Variants in MGAM2 observed in about 807,000 individuals in gnomAD.
MGAM2 encodes the protein maltase-glucoamylase 2 (putative), also known as probable maltase-glucoamylase 2.
A neutral mutation model predicts 96.1 loss-of-function variants in MGAM2; 98 were observed. The ratio of observed to expected loss-of-function variants is 1.02; its 90% confidence interval spans 0.87 to 1.21. The LOEUF (loss-of-function observed/expected upper bound fraction) is 1.21, where lower values mean the gene tolerates loss of function less well. Ranked by LOEUF, MGAM2 falls within the 50% of genes most tolerant of loss-of-function variation. The probability of loss-of-function intolerance (pLI) is 0.00; values close to 1 mark genes in which losing one functional copy is unlikely to be tolerated. For synonymous variants in MGAM2, 749 were observed against 414.8 expected (o/e 1.81, Z -9.79); for missense variants, 2,055 against 1,182.4 (o/e 1.74, Z -10.82).
At chr7:142,218,858 TG>T (rs1355001859) in intron 47 of MGAM2, among the ~76,000 whole-genome samples, 3 of 152,208 alleles carry the variant, frequency 2.0e-5, no homozygotes, top group Admixed American at 6.5e-5. Context: ...TTATTTCTGC[TG>T]CAGAGGCTAA....
In MGAM2 at chr7:142,160,248, A is replaced by G. The variant is rs1429562648; in HGVS notation, c.2335A>G (p.Thr779Ala). ...IFPTQKPNTTTEASRRNSLGL... is the reference protein window; with the variant it reads ...IFPTQKPNTTAEASRRNSLGL... ...TCCCACTCAGAAGCCAAACACAACC[A>G]CAGAAGCCAGGTAAGCTCCTTACTC... The change falls in exon 21 of 48, where the codon ACA becomes GCA. Residue 779 changes from threonine (T) to alanine (A), a missense_variant. By Grantham distance (58) the Thr-to-Ala change is moderately conservative (BLOSUM62 0). Coordinates refer to ENST00000477922, the MANE Select transcript of MGAM2 (RefSeq NM_001293626.2). 1 of 700,788 alleles carries G rather than the reference A, an allele frequency of 1.4e-6. No homozygotes were observed. Among genetic ancestry groups the G allele is most frequent in the Non-Finnish European group, 2.6e-6 (1 of 384,004 alleles). 43.4% of individuals were successfully genotyped at this position (700,788 alleles called of 1,614,324 possible).
intron 27 of MGAM2, 90 bp from the exon 28 acceptor site, chr7:142,171,182 G>A (rs893343138): frequency 1.4e-6 from 1 of 697,994 alleles, no homozygotes; most frequent in Non-Finnish European, 2.6e-6. Context: ...TAATTAAGGA[G>A]GCTTTGGAAT....
At chr7:142,174,803 C>T (rs751303981) in intron 31 of MGAM2, among the ~76,000 whole-genome samples, 38 of 146,748 alleles carry the variant, frequency 2.6e-4, no homozygotes, top group Non-Finnish European at 5.3e-4. Flanking sequence ...GCAACCTCTG[C>T]CTCCTGGGTT....
At position 142,136,613 on chromosome 7, in the gene MGAM2, G is replaced by T. The variant is rs1413911534; in HGVS notation, c.820G>T (p.Val274Leu). 2 of 702,476 alleles carry T rather than the reference G, an allele frequency of 2.8e-6. No individual in the cohort carries two copies. Among genetic ancestry groups the T allele is most frequent in the Non-Finnish European group, 2.6e-6 (1 of 384,390 alleles). 43.5% of individuals were successfully genotyped at this position (702,476 alleles called of 1,614,324 possible). A position where few individuals can be genotyped will look rare whatever the true frequency, so the allele number is the denominator to read the frequency against. ...AGATGCCAGGGGCTCCTCTTTTGGA[G>T]TATTTCTGATGAACAGTAATGCCAT... The part of the protein sequence containing the change: ...LEDARGSSFG[V>L]FLMNSNAMEV... Residue 274 changes from valine to leucine, a missense_variant, in exon 8 of 48, where the codon GTA becomes TTA. Transcript: ENST00000477922.
intron 2 of MGAM2, among the ~76,000 whole-genome samples, chr7:142,118,263 T>C (rs1794438590): frequency 6.6e-6 from 1 of 152,152 alleles, no homozygotes; most frequent in Non-Finnish European, 1.5e-5. Context: ...ACTCCCAGAG[T>C]ATTTATCCTT....
At position 142,194,530 on chromosome 7, in the gene MGAM2, T is replaced by A. The variant is rs551707813; in HGVS notation, c.4347-1624T>A. On this transcript the variant is annotated intron_variant, in intron 37 of 47. Coordinates refer to ENST00000477922, the MANE Select transcript of MGAM2 (RefSeq NM_001293626.2). ...AAAATCTAAGCTATCCTCACCCCCATTTCTTTATCACACATACATACATAT... is the reference window on the plus strand; with the variant it reads ...AAAATCTAAGCTATCCTCACCCCCAATTCTTTATCACACATACATACATAT... 4.8e-3 allele frequency among the ~76,000 whole-genome samples: 443 copies of A among 91,588 alleles called. 2 individuals carry two copies. The highest frequency in any genetic ancestry group is 0.016 in the African/African-American group (415 of 25,956). The allele number at this position is 91,588 out of a possible 152,430, so 60.1% of individuals were successfully genotyped here.
intron 3 of MGAM2, among the ~76,000 whole-genome samples, chr7:142,129,301 G>T (rs923812816): frequency 1.3e-5 from 2 of 152,138 alleles, no homozygotes; most frequent in African/African-American, 4.8e-5. Flanking sequence ...ATAGGCTAAA[G>T]GGACTTGCCT....
intron 29 of MGAM2, 78 bp from the exon 30 acceptor site, chr7:142,172,574 C>A (rs1210337847): frequency 1.7e-6 from 1 of 604,750 alleles, no homozygotes; most frequent in East Asian, 2.8e-5. Context: ...ATGAAGAAAG[C>A]AAATCTTAGA....
chr7:142,159,972 C>T (rs1236916759), intron 20 of MGAM2, among the ~76,000 whole-genome samples, 162 bp from the exon 21 acceptor site: 2 of 152,186 alleles, frequency 1.3e-5, no homozygotes, highest in Non-Finnish European at 2.9e-5. Context: ...AGTGTCAGCT[C>T]TGCCCTCTAC....
chr7:142,170,810 C>T (rs1049210947), intron 27 of MGAM2, among the ~76,000 whole-genome samples: 1 of 152,292 alleles, frequency 6.6e-6, no homozygotes, highest in South Asian at 2.1e-4. Flanking sequence ...CTTTGCCTTC[C>T]TGTGTATGTC....
chr7:142,153,888 A>G, intron 15 of MGAM2, 130 bp from the exon 16 acceptor site: 1 of 468,364 alleles, frequency 2.1e-6, no homozygotes. Flanking sequence ...TAAGTTTATG[A>G]CACCTGGTTT....
At position 142,129,817 on chromosome 7, in the gene MGAM2, C is replaced by T. The variant is rs527877905; in HGVS notation, c.187-1131C>T. Among the ~76,000 whole-genome samples, 66 of 26,088 alleles carry T rather than the reference C, an allele frequency of 2.5e-3. 1 individual carries two copies. Among genetic ancestry groups the T allele is most frequent in the African/African-American group, 0.015 (66 of 4,410 alleles). The allele number at this position is 26,088 out of a possible 152,430, so 17.1% of individuals were successfully genotyped here. ...TCCAGACTGGGCAACAAGAACAAAACTCTGTCTCAAAAAAAAAAAAAAAAA... is the reference window on the plus strand; with the variant it reads ...TCCAGACTGGGCAACAAGAACAAAATTCTGTCTCAAAAAAAAAAAAAAAAA... On this transcript the variant is annotated intron_variant, in intron 3 of 47. Transcript: ENST00000477922.
At chr7:142,208,733 T>C in intron 46 of MGAM2, 111 bp downstream of exon 46, 1 of 612,328 alleles carries the variant, frequency 1.6e-6, no homozygotes, top group South Asian at 1.9e-5. Context: ...AGGTTCTTCT[T>C]GCCTTTACTT....
rs1797950016 is a variant in MGAM2 at position 142,222,120 on chromosome 7, A to C, written c.*61A>C. On this transcript the variant is annotated 3_prime_UTR_variant, in exon 48 of 48. Coordinates refer to ENST00000477922, the MANE Select transcript of MGAM2 (RefSeq NM_001293626.2). ...GCCTACAAACAACTATTACAGATAT[A>C]GAAAATCAGTTACGAGACACTCTAT... 2.5e-6 allele frequency: 1 copy of C among 397,588 alleles called. No homozygotes were observed. 24.6% of individuals were successfully genotyped at this position (397,588 alleles called of 1,614,324 possible).
intron 6 of MGAM2, among the ~76,000 whole-genome samples, chr7:142,133,110 AT>A (rs1171671720): frequency 7.3e-6 from 1 of 136,944 alleles, no homozygotes; most frequent in African/African-American, 2.7e-5. Flanking sequence ...ATTAATTTAT[AT>A]TTAATATAAA....
In MGAM2 at chr7:142,220,213, C is replaced by A. The variant is rs749764791; in HGVS notation, c.5702C>A (p.Thr1901Asn). 70 of 702,840 alleles carry A rather than the reference C, an allele frequency of 1.0e-4. No homozygotes were observed. In the African/African-American group the frequency reaches 1.2e-3, roughly 12 times the overall value. 43.5% of individuals were successfully genotyped at this position (702,840 alleles called of 1,614,324 possible). The change falls in exon 48 of 48, where the codon ACC (threonine) becomes AAC (asparagine). Residue 1901 changes from threonine (T) to asparagine (N), a missense_variant. Thr to Asn is a moderately conservative substitution (Grantham distance 65). Coordinates refer to ENST00000477922, the MANE Select transcript of MGAM2 (RefSeq NM_001293626.2). The part of the protein sequence containing the change: ...ASTNATVPIT[T>N]TPFPTSTIGV... ...ACTAATGCTACTGTTCCTATCACAA[C>A]CACACCTTTCCCAACAAGTACTATT...
intron 46 of MGAM2, among the ~76,000 whole-genome samples, chr7:142,216,411 A>AT (rs1797762342): frequency 6.6e-6 from 1 of 152,098 alleles, no homozygotes; most frequent in Admixed American, 6.6e-5. Context: ...TCAAAATTCC[A>AT]TTTTTCTGAT....
intron 47 of MGAM2, 104 bp from the exon 48 acceptor site, chr7:142,219,766 G>T (rs1797863803): frequency 1.1e-5 from 7 of 610,656 alleles, no homozygotes; most frequent in Admixed American, 2.9e-5. Flanking sequence ...TACTGGAAAG[G>T]AATGAATCCA....
chr7:142,188,234 G>C (rs1796764538), intron 36 of MGAM2, among the ~76,000 whole-genome samples: 1 of 151,772 alleles, frequency 6.6e-6, no homozygotes, highest in African/African-American at 2.4e-5. Context: ...TTTGATGAAG[G>C]ATACTTTTTG....
Sources: allele counts gnomAD v4.1 joint callset (sites outside exome capture counted in the v4.1 genomes callset), GRCh38; gene constraint gnomAD v4.1.1; transcripts MANE v1.5; gene names NCBI Gene and HGNC (gene_info 2026-07-23, HGNC 2026-07-21).